FRMPD2: variants seen among roughly 807,000 people sequenced by gnomAD.
FRMPD2 encodes the protein FERM and PDZ domain-containing protein 2.
In FRMPD2, 96 loss-of-function variants were observed where a neutral mutation model predicts 140.1. The ratio of observed to expected loss-of-function variants is 0.69; its 90% CI spans 0.58 to 0.81. The LOEUF (loss-of-function observed/expected upper bound fraction) is 0.81, where lower values mean the gene tolerates loss of function less well. FRMPD2 is among the 40% of genes least tolerant of loss of function. The pLI is 0.00. For missense variants in FRMPD2, 1,240 were observed against 1,447.4 expected (o/e 0.86, Z 2.32); for synonymous variants, 449 against 547.6 (o/e 0.82, Z 2.52).
intron 15 of FRMPD2, chr10:48,199,833 C>T (rs902069950): frequency 2.6e-5 from 4 of 152,144 alleles, no homozygotes; most frequent in African/African-American, 9.7e-5. Context: ...TCTTGGGGGC[C>T]ATGTGACTGT....
chr10:48,193,093 CAGA>C (rs1252643998), intron 15 of FRMPD2, among the ~76,000 whole-genome samples, 199 bp from the exon 16 acceptor site: 3 of 152,214 alleles, frequency 2.0e-5, no homozygotes, highest in Non-Finnish European at 4.4e-5. Context: ...ACCTCAGAAA[CAGA>C]AGAAGGAAGA....
intron 18 of FRMPD2, among the ~76,000 whole-genome samples, chr10:48,185,250 A>T (rs1400332823): frequency 6.6e-6 from 1 of 152,194 alleles, no homozygotes; most frequent in Non-Finnish European, 1.5e-5. Flanking sequence ...AAGAGGTGAG[A>T]TAAATTGACT....
intron 16 of FRMPD2, among the ~76,000 whole-genome samples, chr10:48,191,687 A>C (rs140251319): frequency 1.8e-4 from 27 of 152,328 alleles, no homozygotes; most frequent in Admixed American, 1.5e-3. Context: ...TCCCAAAAAA[A>C]CAGCTCCTGC....
rs1588843917 is a variant in FRMPD2 at position 48,232,050 on chromosome 10, G to A, written c.1168+65C>T. The A allele has an allele frequency of 7.5e-6, 11 of 1,474,604 alleles. No homozygotes were observed. The East Asian group carries it at 2.5e-4, about 33-fold the overall frequency. 91.3% of individuals were successfully genotyped at this position (1,474,604 alleles called of 1,614,324 possible). ...GTTTTCCCAGAAGAAACAGAGCTCA[G>A]GTACCCAGATACCTGGGTTACCAGA... On this transcript the variant is annotated intron_variant, in intron 10 of 28. Coordinates refer to ENST00000374201, the MANE Select transcript of FRMPD2 (RefSeq NM_001018071.4).
chr10:48,222,324 A>G lies in FRMPD2; in HGVS notation c.1444T>C (p.Tyr482His), dbSNP rs1181659566. ...VLALQAEFGN[Y>H]PKEQVESKPY... ...GTGTTCACCCCTACCTCCTTAGGGT[A>G]ATTGCCAAACTCAGCCTGCAAGGCA... Residue 482 changes from tyrosine to histidine, a missense_variant, in exon 12 of 29, where the codon TAC becomes CAC. By Grantham distance (83) the Tyr-to-His change is moderately conservative (BLOSUM62 2). Transcript: ENST00000374201. 6 of 1,614,040 alleles carry G rather than the reference A, an allele frequency of 3.7e-6. No individual in the cohort carries two copies. In the East Asian group the frequency reaches 1.3e-4, roughly 36 times the overall value.
intron 24 of FRMPD2, among the ~76,000 whole-genome samples, chr10:48,174,581 C>T (rs1399921558): frequency 1.3e-5 from 2 of 151,240 alleles, no homozygotes; most frequent in Admixed American, 6.6e-5. Context: ...TCCATCTTCT[C>T]CATTCCGCTG....
intron 14 of FRMPD2, among the ~76,000 whole-genome samples, chr10:48,202,723 G>A (rs1183311932): frequency 1.3e-5 from 2 of 152,136 alleles, no homozygotes; most frequent in African/African-American, 2.4e-5. Context: ...CACTTTGTCA[G>A]TACACACTGA....
chr10:48,262,430 TC>T (rs2131982766), intron 1 of FRMPD2, among the ~76,000 whole-genome samples: 1 of 152,238 alleles, frequency 6.6e-6, no homozygotes, highest in African/African-American at 2.4e-5. Context: ...AGGTCAATAT[TC>T]CAAGAAGACA....
rs570061596 is a variant in FRMPD2, at chr10:48,263,491, C to T, written c.25+11052G>A. On this transcript the variant is annotated intron_variant, in intron 1 of 28. Coordinates refer to ENST00000374201, the MANE Select transcript of FRMPD2 (RefSeq NM_001018071.4). Reference sequence around the variant, plus strand: ...ATCACAAATGAAATAAGGGCCATCACTACTGATCCCATGGATATTAAAAAG... The same window carrying T: ...ATCACAAATGAAATAAGGGCCATCATTACTGATCCCATGGATATTAAAAAG... Among the ~76,000 whole-genome samples, 8 of 152,192 alleles carry T rather than the reference C, an allele frequency of 5.3e-5. No individual in the cohort carries two copies. The South Asian group carries it at 1.7e-3, about 32-fold the overall frequency.
chr10:48,240,812 A>G (rs560830416), intron 5 of FRMPD2, among the ~76,000 whole-genome samples: 1 of 152,178 alleles, frequency 6.6e-6, no homozygotes, highest in South Asian at 2.1e-4. Flanking sequence ...TCTACTTCTA[A>G]GCCTCTCTAC....
intron 10 of FRMPD2, among the ~76,000 whole-genome samples, chr10:48,223,755 G>A (rs1564430755): frequency 6.6e-6 from 1 of 152,162 alleles, no homozygotes; most frequent in Non-Finnish European, 1.5e-5. Flanking sequence ...TTAGGAAGTG[G>A]GGTGTTTAGG....
At chr10:48,241,270 C>A (rs17697560) in intron 5 of FRMPD2, among the ~76,000 whole-genome samples, 13,993 of 152,256 alleles carry the variant, frequency 0.092, 785 homozygotes, top group South Asian at 0.12. Context: ...CTTTGGCCCT[C>A]ATTAATCCTG....
intron 5 of FRMPD2, 42 bp downstream of exon 5, chr10:48,242,119 T>C (rs778545087): frequency 1.6e-5 from 22 of 1,404,292 alleles, no homozygotes; most frequent in Non-Finnish European, 2.0e-5. Flanking sequence ...TAGCCACACA[T>C]GACCAGCAGC....
rs760732500 is a variant in FRMPD2 at position 48,251,625 on chromosome 10, T to G, written c.92A>C (p.Glu31Ala). ...CAGGAACAGGAGGGACCAGATTTCC[T>G]CCTCAGACAGAGCTTCACCCCTGAC... ...LQVRGEALSE[E>A]EIWSLLFLAA... The change falls in exon 2 of 29, where the codon GAG (glutamate) becomes GCG (alanine). Residue 31 changes from glutamate to alanine, a missense_variant. Transcript: ENST00000374201. 7 of 1,614,032 alleles carry G rather than the reference T, an allele frequency of 4.3e-6. No individual in the cohort carries two copies. Among genetic ancestry groups the G allele is most frequent in the African/African-American group, 1.3e-5 (1 of 74,916 alleles).
chr10:48,215,636 C>T (rs1002977249), intron 12 of FRMPD2, among the ~76,000 whole-genome samples: 3 of 152,148 alleles, frequency 2.0e-5, no homozygotes, highest in African/African-American at 7.2e-5. Context: ...AAAGGTCTGC[C>T]TTTGGGGGCC....
chr10:48,247,760 A>C (rs1361285878), intron 3 of FRMPD2, among the ~76,000 whole-genome samples: 1 of 152,224 alleles, frequency 6.6e-6, no homozygotes, highest in Non-Finnish European at 1.5e-5. Context: ...AATATGTGAC[A>C]TCTTAGCTGA....
At chr10:48,230,612 T>C (rs547549893) in intron 10 of FRMPD2, among the ~76,000 whole-genome samples, 1 of 152,342 alleles carries the variant, frequency 6.6e-6, no homozygotes, top group South Asian at 2.1e-4. Context: ...TGATTATCTT[T>C]AGTAAAAATG....
At chr10:48,187,160 C>A (rs762460365) in intron 17 of FRMPD2, 32 bp downstream of exon 17, 2 of 1,504,546 alleles carry the variant, frequency 1.3e-6, no homozygotes. Flanking sequence ...GGGGTTCCTC[C>A]ACCCAAGACC....
chr10:48,212,320 GTTTTTGAGCCCC>G (rs973417210), intron 12 of FRMPD2, among the ~76,000 whole-genome samples: 3 of 152,136 alleles, frequency 2.0e-5, no homozygotes, highest in African/African-American at 7.2e-5. Flanking sequence ...TAAAGGAGCT[GTTTTTGAGCCCC>G]TTTTTATGCC....
Sources: gnomAD v4.1 joint callset for allele counts (sites outside exome capture counted in the v4.1 genomes callset) on GRCh38, gnomAD v4.1.1 for gene constraint, MANE v1.5 for transcripts, NCBI Gene and HGNC (gene_info 2026-07-23, HGNC 2026-07-21) for gene names.